HYDIN: variants seen among roughly 807,000 people sequenced by gnomAD.
HYDIN encodes the protein HYDIN axonemal central pair apparatus protein.
Under a neutral mutation model 403.9 loss-of-function variants are expected in HYDIN, and 132 were observed. The observed-to-expected ratio is 0.33, with a 90% confidence interval of 0.28 to 0.38. The LOEUF (loss-of-function observed/expected upper bound fraction) is 0.38, where lower values mean the gene tolerates loss of function less well. HYDIN is among the 10% of genes least tolerant of loss of function. The pLI, the probability that HYDIN is intolerant of heterozygous loss-of-function variation, is 1.00. For missense variants in HYDIN, 2,827 were observed against 5,009.5 expected, an observed-to-expected ratio of 0.56 and a Z score of 13.15; for synonymous variants, 1,202 against 1,891.7, an observed-to-expected ratio of 0.64 and a Z score of 9.46.
chr16:71,115,362 C>A (rs1416461235), intron 10 of HYDIN, among the ~76,000 whole-genome samples: 1 of 152,204 alleles, frequency 6.6e-6, no homozygotes, highest in Non-Finnish European at 1.5e-5. Context: ...TCTCCCCAGT[C>A]GTGCTGATCT....
intron 8 of HYDIN, among the ~76,000 whole-genome samples, chr16:71,130,660 TG>T (rs1189689769): frequency 3.3e-5 from 5 of 150,774 alleles, no homozygotes; most frequent in African/African-American, 7.3e-5. Flanking sequence ...GCTAATTTTT[TG>T]TATTTTTTAG....
In HYDIN at chr16:70,807,348, C is replaced by T. The variant is rs569330923; in HGVS notation, c.*232G>A. 5 of 487,074 alleles carry T rather than the reference C, an allele frequency of 1.0e-5. No homozygotes were observed. The highest frequency in any genetic ancestry group is 9.7e-5 in the African/African-American group (5 of 51,788). 30.2% of individuals were successfully genotyped at this position (487,074 alleles called of 1,614,324 possible). A position where few individuals can be genotyped will look rare whatever the true frequency, so the allele number is the denominator to read the frequency against. The stretch of plus-strand genomic sequence containing the variant: ...TGTCAAGAAACTCAATTTAGGGACT[C>T]ACAAGGATTCAGTTGTCTAAAATAT... On this transcript the variant is annotated 3_prime_UTR_variant, in exon 86 of 86. Transcript: ENST00000393567.
At chr16:70,910,424 T>C (rs1333138199) in intron 47 of HYDIN, among the ~76,000 whole-genome samples, 2 of 152,262 alleles carry the variant, frequency 1.3e-5, no homozygotes. Flanking sequence ...TTCCTTCTTA[T>C]GGCTGAGTAG....
rs182629175 is a variant in HYDIN at position 71,130,160 on chromosome 16, A to G, written c.1044-337T>C. 8.1e-4 allele frequency among the ~76,000 whole-genome samples: 123 copies of G among 152,344 alleles called. 1 individual carries two copies. Among genetic ancestry groups the G allele is most frequent in the African/African-American group, 2.8e-3 (115 of 41,566 alleles). ...CCAGGCTGCTTTTTAAATATTTAAC[A>G]TCTATTCTGCCCCTCACATGGCAAG... is the stretch of plus-strand genomic sequence containing the variant. On this transcript the variant is annotated intron_variant, in intron 8 of 85. Transcript: ENST00000393567.
At chr16:70,955,654 T>C in intron 39 of HYDIN, 106 bp from the exon 40 acceptor site, 1 of 573,428 alleles carries the variant, frequency 1.7e-6, no homozygotes, top group South Asian at 2.1e-5. Flanking sequence ...TCTCTCTGAG[T>C]GCTCTGCCTC....
intron 1 of HYDIN, among the ~76,000 whole-genome samples, chr16:71,216,460 C>T (rs1027698004): frequency 7.9e-5 from 12 of 152,016 alleles, no homozygotes; most frequent in Admixed American, 7.9e-4. Context: ...TATTAGAACC[C>T]AAGAATGACT....
chr16:70,934,351 A>G (rs2077438869), intron 45 of HYDIN, among the ~76,000 whole-genome samples: 1 of 152,090 alleles, frequency 6.6e-6, no homozygotes. Context: ...TTTCATTTTA[A>G]AGGTGGGTGA....
Position 70,833,057 on chromosome 16 carries a change from C to A in HYDIN, c.13690G>T (p.Asp4564Tyr). 3 of 1,610,490 alleles carry A rather than the reference C, an allele frequency of 1.9e-6. No individual in the cohort carries two copies. Among genetic ancestry groups the A allele is most frequent in the African/African-American group, 1.3e-5 (1 of 74,608 alleles). Residue 4564 changes from aspartate to tyrosine, a missense_variant, in exon 80 of 86, where the codon GAC (aspartate) becomes TAC (tyrosine). Asp to Tyr is a radical substitution (Grantham distance 160). Coordinates refer to ENST00000393567, the MANE Select transcript of HYDIN (RefSeq NM_001270974.2). ...AAATGAGGCTCAAATTTTTTGATGT[C>A]CCATTTAAACCTTTTCCAAGAAAAA... Reference protein sequence around the residue: ...TGDVGARFKWDIKKFEPHFSI... With the variant: ...TGDVGARFKWYIKKFEPHFSI...
chr16:71,042,633 C>T (rs1871409436), intron 18 of HYDIN, among the ~76,000 whole-genome samples: 2 of 152,214 alleles, frequency 1.3e-5, no homozygotes, highest in Admixed American at 1.3e-4. Context: ...ATACAACGTT[C>T]AGGTTCCCAG....
At chr16:70,822,851 C>T (rs1208816896) in intron 83 of HYDIN, among the ~76,000 whole-genome samples, 2 of 149,370 alleles carry the variant, frequency 1.3e-5, no homozygotes, top group African/African-American at 2.5e-5. Context: ...TTTTAAAGAC[C>T]TAATGTTATT....
intron 1 of HYDIN, among the ~76,000 whole-genome samples, chr16:71,225,869 A>G (rs2041012250): frequency 6.6e-6 from 1 of 152,246 alleles, no homozygotes; most frequent in Admixed American, 6.5e-5. Context: ...AACATGTGCA[A>G]AAGTTGCATG....
intron 45 of HYDIN, among the ~76,000 whole-genome samples, chr16:70,931,940 A>G (rs897087023): frequency 2.3e-5 from 3 of 129,300 alleles, no homozygotes; most frequent in Non-Finnish European, 3.2e-5. Flanking sequence ...GCTTGAACCC[A>G]GGAGGTGGAG....
At chr16:71,068,251 T>C (rs1442205198) in intron 14 of HYDIN, among the ~76,000 whole-genome samples, 1 of 147,334 alleles carries the variant, frequency 6.8e-6, no homozygotes, top group Admixed American at 6.8e-5. Context: ...GCTTCTGGCA[T>C]GAGTTAAGGC....
intron 1 of HYDIN, among the ~76,000 whole-genome samples, chr16:71,197,741 A>G (rs567415990): frequency 9.9e-5 from 15 of 151,880 alleles, no homozygotes; most frequent in Admixed American, 7.9e-4. Flanking sequence ...CCTTGATTTG[A>G]TTCTCTTTGT....
chr16:71,152,987 G>A (rs1396910438), intron 6 of HYDIN: 5 of 475,998 alleles, frequency 1.1e-5, no homozygotes, highest in South Asian at 7.0e-5. Context: ...ATTAGCAAGC[G>A]TAAGGGCAAC....
chr16:71,181,563 CTT>C (rs1479633661), intron 3 of HYDIN, among the ~76,000 whole-genome samples: 2 of 152,092 alleles, frequency 1.3e-5, no homozygotes, highest in Non-Finnish European at 2.9e-5. Context: ...AGTATATACT[CTT>C]TAATTTCTGG....
At chr16:71,079,800 C>A in intron 13 of HYDIN, 85 bp downstream of exon 13, 1 of 614,674 alleles carries the variant, frequency 1.6e-6, no homozygotes, top group South Asian at 2.0e-5. Flanking sequence ...TGCTGTGGAA[C>A]GGGGGTTCTT....
At chr16:71,144,942 C>A (rs1403936277) in intron 7 of HYDIN, among the ~76,000 whole-genome samples, 1 of 152,168 alleles carries the variant, frequency 6.6e-6, no homozygotes, top group African/African-American at 2.4e-5. Context: ...ATATTTCAAA[C>A]AGCTGCAGAA....
At position 70,807,529 on chromosome 16, in the gene HYDIN, A is replaced by G; in HGVS notation, c.*51T>C. ...CTTATTGTTTTCTCTATTCTTTTTC[A>G]GGCTAAGACAATGCATAGCTTTTGG... On this transcript the variant is annotated 3_prime_UTR_variant, in exon 86 of 86. Coordinates refer to ENST00000393567, the MANE Select transcript of HYDIN (RefSeq NM_001270974.2). The G allele has an allele frequency of 2.6e-6, 4 of 1,517,872 alleles. No homozygotes were observed. The highest frequency in any genetic ancestry group is 2.6e-6 in the Non-Finnish European group (3 of 1,132,942). The allele number at this position is 1,517,872 out of a possible 1,614,324, so 94.0% of individuals were successfully genotyped here.
Sources: gnomAD v4.1 joint callset for allele counts (sites outside exome capture counted in the v4.1 genomes callset) on GRCh38, gnomAD v4.1.1 for gene constraint, MANE v1.5 for transcripts, NCBI Gene and HGNC (gene_info 2026-07-23, HGNC 2026-07-21) for gene names.